Variants in EGFLAM observed in about 807,000 individuals in gnomAD.
EGFLAM encodes the protein pikachurin.
A neutral mutation model predicts 113.1 loss-of-function variants in EGFLAM; 79 were observed. The ratio of observed to expected loss-of-function variants is 0.70; its 90% CI spans 0.58 to 0.84. EGFLAM has a LOEUF of 0.84. EGFLAM is among the 40% of genes least tolerant of loss of function. The pLI is 0.00. For missense variants in EGFLAM, 1,265 were observed against 1,291.6 expected (o/e 0.98, Z 0.32); for synonymous variants, 504 against 487.6 (o/e 1.03, Z -0.44).
chr5:38,316,141 TA>T (rs1446406602), intron 1 of EGFLAM, among the ~76,000 whole-genome samples: 3 of 152,216 alleles, frequency 2.0e-5, no homozygotes, highest in African/African-American at 7.2e-5. Flanking sequence ...TATTTTTATT[TA>T]ATTTTATTAC....
At chr5:38,438,202 G>T in intron 16 of EGFLAM, 73 bp from the exon 17 acceptor site, 3 of 1,490,674 alleles carry the variant, frequency 2.0e-6, no homozygotes, top group Admixed American at 2.1e-5. Flanking sequence ...AGGTTAATTT[G>T]CCAAGGGAAG....
chr5:38,414,945 G>A (rs1484736488), intron 11 of EGFLAM, among the ~76,000 whole-genome samples: 1 of 152,158 alleles, frequency 6.6e-6, no homozygotes, highest in Non-Finnish European at 1.5e-5. Context: ...AGGTGTTCAA[G>A]GCATAACTTA....
At chr5:38,400,887 TC>T (rs1439462331) in intron 6 of EGFLAM, among the ~76,000 whole-genome samples, 1 of 152,172 alleles carries the variant, frequency 6.6e-6, no homozygotes, top group African/African-American at 2.4e-5. Flanking sequence ...TGTTAGCTGA[TC>T]CCTGCGGTCT....
chr5:38,267,792 C>T (rs149526969), intron 1 of EGFLAM, among the ~76,000 whole-genome samples: 43 of 152,266 alleles, frequency 2.8e-4, no homozygotes, highest in African/African-American at 9.9e-4. Context: ...ATTTGAAGAA[C>T]TTTACTATGA....
chr5:38,424,373 T>C (rs570602519), intron 12 of EGFLAM, among the ~76,000 whole-genome samples: 1 of 152,268 alleles, frequency 6.6e-6, no homozygotes, highest in East Asian at 1.9e-4. Flanking sequence ...GAAGTAGAAA[T>C]AGGGATTCTG....
intron 3 of EGFLAM, among the ~76,000 whole-genome samples, chr5:38,341,277 T>C (rs113720671): frequency 0.023 from 3,438 of 152,330 alleles, 141 homozygotes; most frequent in African/African-American, 0.078. Flanking sequence ...CTCACAGTTC[T>C]GCATGGCTGG....
At chr5:38,342,451 T>A (rs948651991) in intron 3 of EGFLAM, among the ~76,000 whole-genome samples, 3 of 152,228 alleles carry the variant, frequency 2.0e-5, no homozygotes, top group African/African-American at 7.2e-5. Context: ...TTTGGTTTTC[T>A]GGATTGAATG....
At chr5:38,278,574 C>T (rs945124113) in intron 1 of EGFLAM, among the ~76,000 whole-genome samples, 2 of 151,806 alleles carry the variant, frequency 1.3e-5, no homozygotes, top group East Asian at 1.9e-4. Context: ...CTGCAACCTC[C>T]GCCTCCTGGG....
chr5:38,302,595 C>T (rs952402100), intron 1 of EGFLAM, among the ~76,000 whole-genome samples: 2 of 151,930 alleles, frequency 1.3e-5, no homozygotes, highest in Middle Eastern at 3.2e-3. Context: ...TTAACTTTAT[C>T]TCCATTTCTT....
chr5:38,396,117 A>G (rs532685698), intron 6 of EGFLAM, among the ~76,000 whole-genome samples: 1 of 150,114 alleles, frequency 6.7e-6, no homozygotes, highest in South Asian at 2.1e-4. Context: ...ACCCCCAACT[A>G]CTCATATGAA....
chr5:38,416,808 G>A lies in EGFLAM; in HGVS notation c.1495-1258G>A, dbSNP rs79469142. On this transcript the variant is annotated intron_variant, in intron 11 of 21. Coordinates refer to ENST00000322350, the MANE Select transcript of EGFLAM (RefSeq NM_152403.4). ...GCATGCTCAGTGGCTGGCAAACAGC[G>A]TAACCTGACCCTGAAAACCCACTTC... Among the ~76,000 whole-genome samples the A allele has an allele frequency of 1.2e-3, 181 of 152,246 alleles. 2 individuals are homozygous for A. In the East Asian group the frequency reaches 0.032, roughly 27 times the overall value.
intron 1 of EGFLAM, among the ~76,000 whole-genome samples, chr5:38,301,797 G>C (rs140842066): frequency 5.3e-5 from 8 of 152,224 alleles, no homozygotes; most frequent in African/African-American, 1.2e-4. Flanking sequence ...CTGAGAGTTT[G>C]GGAAGAGCTG....
chr5:38,407,995 G>A (rs1034853562), intron 9 of EGFLAM, 90 bp downstream of exon 9: 20 of 998,354 alleles, frequency 2.0e-5, no homozygotes, highest in Admixed American at 4.1e-5. Context: ...AGGAAGCGGG[G>A]CAGCAGGGAG....
At chr5:38,437,948 AC>A (rs1742401542) in intron 16 of EGFLAM, among the ~76,000 whole-genome samples, 1 of 152,034 alleles carries the variant, frequency 6.6e-6, no homozygotes. Flanking sequence ...ACATGGTGAA[AC>A]CCCATCTCTA....
At chr5:38,276,703 G>A (rs565009605) in intron 1 of EGFLAM, among the ~76,000 whole-genome samples, 18 of 151,460 alleles carry the variant, frequency 1.2e-4, no homozygotes, top group Non-Finnish European at 2.1e-4. Flanking sequence ...AAAGAGAAGA[G>A]TAAATAAATA....
In EGFLAM at chr5:38,443,756, G is replaced by A. The variant is rs115976025; in HGVS notation, c.2465-4545G>A. On this transcript the variant is annotated intron_variant, in intron 17 of 21. Coordinates refer to ENST00000322350, the MANE Select transcript of EGFLAM (RefSeq NM_152403.4). ...CCCGTGAACGTGGGAAAGAAACCGT[G>A]GTCCCTTCAACTCTTTTTTTTTTTT... Among the ~76,000 whole-genome samples, 956 of 150,588 alleles carry A rather than the reference G, an allele frequency of 6.3e-3. 14 individuals carry two copies. Among genetic ancestry groups the A allele is most frequent in the African/African-American group, 0.022 (899 of 40,488 alleles).
intron 1 of EGFLAM, among the ~76,000 whole-genome samples, chr5:38,265,786 A>C (rs1487828585): frequency 6.6e-6 from 1 of 152,268 alleles, no homozygotes; most frequent in Non-Finnish European, 1.5e-5. Context: ...CTCCGCCCTC[A>C]GCAGTAATTC....
At position 38,269,732 on chromosome 5, in the gene EGFLAM, G is replaced by A. The variant is rs542110524; in HGVS notation, c.97+10881G>A. 5.1e-4 allele frequency among the ~76,000 whole-genome samples: 78 copies of A among 152,102 alleles called. No individual in the cohort carries two copies. The South Asian group carries it at 5.8e-3, about 11-fold the overall frequency. ...TCTCGATCTCCTGACCTCATGATCC[G>A]CCCGCCTCGGCCTCCCAAAGTGCTG... On this transcript the variant is annotated intron_variant, in intron 1 of 21. Coordinates refer to ENST00000322350, the MANE Select transcript of EGFLAM (RefSeq NM_152403.4).
At position 38,448,388 on chromosome 5, in the gene EGFLAM, C is replaced by T. The variant is rs775528467; in HGVS notation, c.2543+9C>T. ...CCAGATATCTTGAAGAGGTAATAAGCTTCAACAGGCACCTTCCTCAGCTTT... is the reference window on the plus strand; with the variant it reads ...CCAGATATCTTGAAGAGGTAATAAGTTTCAACAGGCACCTTCCTCAGCTTT... On this transcript the variant is annotated intron_variant, in intron 18 of 21. Coordinates refer to ENST00000322350, the MANE Select transcript of EGFLAM (RefSeq NM_152403.4). 2 of 1,613,972 alleles carry T rather than the reference C, an allele frequency of 1.2e-6. No homozygotes were observed. The highest frequency in any genetic ancestry group is 2.2e-5 in the South Asian group (2 of 91,064).
Sources: gnomAD v4.1 joint callset for allele counts (sites outside exome capture counted in the v4.1 genomes callset) on GRCh38, gnomAD v4.1.1 for gene constraint, MANE v1.5 for transcripts, NCBI Gene and HGNC (gene_info 2026-07-23, HGNC 2026-07-21) for gene names.